Variants in TNS1 observed in about 807,000 individuals in gnomAD.
TNS1 encodes the protein tensin-1.
A neutral mutation model predicts 168.6 loss-of-function variants in TNS1; 62 were observed. That is an observed-to-expected ratio of 0.37 (90% CI 0.30 to 0.45). The LOEUF (loss-of-function observed/expected upper bound fraction) is 0.45. Among genes scored for constraint, TNS1 ranks in the 20% least tolerant of loss-of-function variants. The probability of loss-of-function intolerance (pLI) is 1.00; values close to 1 mark genes in which losing one functional copy is unlikely to be tolerated. For synonymous variants in TNS1, 934 were observed against 933.2 expected, an observed-to-expected ratio of 1.00 and a Z score of -0.02; for missense variants, 2,240 against 2,339.4, an observed-to-expected ratio of 0.96 and a Z score of 0.88.
At chr2:217,945,759 C>G (rs1434204176) in intron 3 of TNS1, among the ~76,000 whole-genome samples, 1 of 152,178 alleles carries the variant, frequency 6.6e-6, no homozygotes, top group Non-Finnish European at 1.5e-5. Flanking sequence ...GGTCCCAACT[C>G]TACGGCAAAG....
intron 3 of TNS1, among the ~76,000 whole-genome samples, chr2:217,958,811 G>A (rs745940198): frequency 4.6e-5 from 7 of 152,198 alleles, no homozygotes; most frequent in Admixed American, 2.0e-4. Flanking sequence ...GTTAGGGTGG[G>A]TTAGGGTAGT....
At chr2:217,929,599 TCCTGC>T (rs1327906639) in intron 3 of TNS1, among the ~76,000 whole-genome samples, 1 of 152,074 alleles carries the variant, frequency 6.6e-6, no homozygotes, top group African/African-American at 2.4e-5. Context: ...GGTTTCATGA[TCCTGC>T]CCACACTCGG....
rs1345275794 is a variant in TNS1, at chr2:217,900,524, A to C, written c.322-12T>G. ...ACCCTGGTGGAGCCCTGGGAAGGAGAGAAGAGAAGCAGCATTATGCAGGGG... is the reference window on the plus strand; with the variant it reads ...ACCCTGGTGGAGCCCTGGGAAGGAGCGAAGAGAAGCAGCATTATGCAGGGG... On this transcript the variant is annotated splice_polypyrimidine_tract_variant and intron_variant, in intron 6 of 32. Coordinates refer to ENST00000682258, the MANE Select transcript of TNS1 (RefSeq NM_001387777.1). 4 of 1,535,714 alleles carry C rather than the reference A, an allele frequency of 2.6e-6. No homozygotes were observed. Among genetic ancestry groups the C allele is most frequent in the Non-Finnish European group, 1.7e-6 (2 of 1,146,718 alleles).
chr2:217,851,464 C>CAG (rs1388521385), intron 18 of TNS1, among the ~76,000 whole-genome samples: 4 of 151,920 alleles, frequency 2.6e-5, no homozygotes, highest in Admixed American at 2.6e-4. Flanking sequence ...CACACACACA[C>CAG]ACACACACAC....
At chr2:218,006,751 A>G (rs528796189), upstream of TNS1, among the ~76,000 whole-genome samples, 1 of 152,312 alleles carries the variant, frequency 6.6e-6, no homozygotes, top group South Asian at 2.1e-4. Context: ...TCTGCCATAG[A>G]ACCCTCAACT....
chr2:217,956,567 C>G (rs1023918660), intron 3 of TNS1, among the ~76,000 whole-genome samples: 1 of 152,112 alleles, frequency 6.6e-6, no homozygotes, highest in African/African-American at 2.4e-5. Context: ...GAGAACAGCC[C>G]TCGCTTCAGT....
chr2:217,885,778 A>G lies in TNS1; in HGVS notation c.1082T>C (p.Ile361Thr), dbSNP rs1277691491. Residue 361 changes from isoleucine (I) to threonine (T), a missense_variant, in exon 15 of 33, where the codon ATC (isoleucine) becomes ACC (threonine). Transcript: ENST00000682258. Reference protein sequence around the residue: ...GDSQTSVCITIEPGLLLKGDI... With the variant: ...GDSQTSVCITTEPGLLLKGDI... Reference sequence around the variant, plus strand: ...TCCCTTCAAGAGCAGTCCTGGCTCGATGGTGATGCAGACGCTAGTCTGGCT... The same window carrying G: ...TCCCTTCAAGAGCAGTCCTGGCTCGGTGGTGATGCAGACGCTAGTCTGGCT... 1.2e-6 allele frequency: 2 copies of G among 1,614,188 alleles called. No homozygotes were observed. Among genetic ancestry groups the G allele is most frequent in the Non-Finnish European group, 1.7e-6 (2 of 1,180,044 alleles).
intron 3 of TNS1, among the ~76,000 whole-genome samples, chr2:217,921,002 G>A (rs192386595): frequency 0.012 from 1,850 of 150,026 alleles, 48 homozygotes; most frequent in African/African-American, 0.042. Context: ...GGAGAGGGAA[G>A]AGGAGAGTGG....
At chr2:218,012,669 C>T (rs1958716283), upstream of TNS1, among the ~76,000 whole-genome samples, 1 of 152,034 alleles carries the variant, frequency 6.6e-6, no homozygotes, top group African/African-American at 2.4e-5. Flanking sequence ...TAGCTTCATG[C>T]CAGGTGCCTC....
chr2:217,952,536 G>A (rs1957268106), intron 3 of TNS1, among the ~76,000 whole-genome samples: 1 of 152,138 alleles, frequency 6.6e-6, no homozygotes, highest in South Asian at 2.1e-4. Flanking sequence ...GGCCCAGCCT[G>A]GTGAGGACAT....
At position 217,985,905 on chromosome 2, in the gene TNS1, G is replaced by A. The variant is rs559360026; in HGVS notation, c.148+5037C>T. Among the ~76,000 whole-genome samples the A allele has an allele frequency of 5.9e-5, 9 of 152,264 alleles. No individual in the cohort carries two copies. The South Asian group carries it at 1.9e-3, about 32-fold the overall frequency. On this transcript the variant is annotated intron_variant, in intron 2 of 32. Transcript: ENST00000682258. ...AAACCACAGCTCCTCTGACTGAGGT[G>A]GGCAGGGGTCCCAGAGCCCTGACCC...
intron 18 of TNS1, among the ~76,000 whole-genome samples, chr2:217,857,719 G>T (rs568224011): frequency 6.6e-6 from 1 of 152,216 alleles, no homozygotes; most frequent in Non-Finnish European, 1.5e-5. Context: ...GATGGCCCAC[G>T]CCTGCAGGGC....
chr2:217,954,416 A>C (rs1957311734), intron 3 of TNS1, among the ~76,000 whole-genome samples: 2 of 152,208 alleles, frequency 1.3e-5, no homozygotes, highest in African/African-American at 4.8e-5. Context: ...GATGCTGATG[A>C]TGATGATAAG....
intron 15 of TNS1, 74 bp from the exon 16 acceptor site, chr2:217,885,238 A>T: frequency 6.3e-7 from 1 of 1,592,974 alleles, no homozygotes; most frequent in Admixed American, 1.7e-5. Flanking sequence ...CCTCCTTATC[A>T]GCTCCGCTGA....
At chr2:218,009,160 C>T (rs964868248) in intron 1 of TNS1, among the ~76,000 whole-genome samples, 3 of 152,168 alleles carry the variant, frequency 2.0e-5, no homozygotes, top group South Asian at 2.1e-4. Flanking sequence ...GACAGGGGAC[C>T]GTCCCTGCCC....
At chr2:217,805,463 C>CCACCACA (rs1938382473) in intron 32 of TNS1, among the ~76,000 whole-genome samples, 1 of 105,930 alleles carries the variant, frequency 9.4e-6, no homozygotes, top group East Asian at 2.8e-4. Flanking sequence ...ATCACACACA[C>CCACCACA]CACCACACAC....
intron 4 of TNS1, among the ~76,000 whole-genome samples, chr2:217,917,525 A>G (rs1347745117): frequency 6.6e-6 from 1 of 152,116 alleles, no homozygotes; most frequent in East Asian, 1.9e-4. Context: ...AAATGCTGAC[A>G]CTTCAATAAA....
chr2:217,978,774 G>GC lies in TNS1; in HGVS notation c.176dup (p.Cys59TrpfsTer16), dbSNP rs1402576608. On this transcript the variant is annotated frameshift_variant, in exon 3 of 33. Transcript: ENST00000682258. LOFTEE classifies it high-confidence loss of function. ...GCCCGCGGCCCCTTACCTTGGCCTG[G>GC]CATTTCCGATGACAGGAGAAGCTGC... The GC allele has an allele frequency of 1.4e-6, 1 of 702,212 alleles. No homozygotes were observed. The highest frequency in any genetic ancestry group is 1.7e-5 in the African/African-American group (1 of 57,218). The allele number at this position is 702,212 out of a possible 1,614,324, so 43.5% of individuals were successfully genotyped here. A position where few individuals can be genotyped will look rare whatever the true frequency, so the allele number is the denominator to read the frequency against.
chr2:217,835,914 G>T, intron 20 of TNS1, 101 bp downstream of exon 20: 1 of 1,055,244 alleles, frequency 9.5e-7, no homozygotes, highest in Non-Finnish European at 1.4e-6. Flanking sequence ...ACAAATCACT[G>T]AGTATACTGA....
Sources: allele counts gnomAD v4.1 joint callset (sites outside exome capture counted in the v4.1 genomes callset), GRCh38; gene constraint gnomAD v4.1.1; transcripts MANE v1.5; gene names NCBI Gene and HGNC (gene_info 2026-07-23, HGNC 2026-07-21).